OSTC: variants seen among roughly 807,000 people sequenced by gnomAD.
The protein encoded by OSTC is oligosaccharyltransferase complex subunit OSTC.
In OSTC, 16 loss-of-function variants were observed where a neutral mutation model predicts 16.4. That is an observed-to-expected ratio of 0.98 (90% CI 0.66 to 1.49). The LOEUF is 1.49. Among genes scored for constraint, OSTC ranks in the 40% most tolerant of loss-of-function variants. OSTC has a pLI of 0.00. For missense variants in OSTC, 139 were observed against 186.3 expected (o/e 0.75, Z 1.48); for synonymous variants, 67 against 68.5 (o/e 0.98, Z 0.11).
chr4:108,654,073 GA>G (rs1281297507), intron 1 of OSTC, among the ~76,000 whole-genome samples: 2 of 152,200 alleles, frequency 1.3e-5, no homozygotes, highest in African/African-American at 4.8e-5. Flanking sequence ...AAAGCCATAA[GA>G]AGAGGTGTTT....
intron 3 of OSTC, among the ~76,000 whole-genome samples, chr4:108,664,593 T>C (rs1726945519): frequency 6.6e-6 from 1 of 152,060 alleles, no homozygotes; most frequent in South Asian, 2.1e-4. Context: ...TTTTAATTTT[T>C]AATTTTTTTT....
intron 1 of OSTC, among the ~76,000 whole-genome samples, chr4:108,652,955 C>G (rs1726595914): frequency 6.6e-6 from 1 of 152,100 alleles, no homozygotes; most frequent in African/African-American, 2.4e-5. Flanking sequence ...AGGAGAATTG[C>G]TTGTACCCGG....
rs76053329 is a variant in OSTC, at chr4:108,662,894, T to C, written c.432-4353T>C. ...TCATTCTAAAGAAACAAAACATTTGTACAGCTGCTGAGGACAATGTGTAGT... is the reference window on the plus strand; with the variant it reads ...TCATTCTAAAGAAACAAAACATTTGCACAGCTGCTGAGGACAATGTGTAGT... On this transcript the variant is annotated intron_variant, in intron 3 of 3. Transcript: ENST00000361564. Among the ~76,000 whole-genome samples the C allele has an allele frequency of 4.7e-3, 721 of 152,340 alleles. 6 individuals carry two copies. Among genetic ancestry groups the C allele is most frequent in the African/African-American group, 0.017 (701 of 41,582 alleles).
chr4:108,664,835 G>T (rs559031787), intron 3 of OSTC, among the ~76,000 whole-genome samples: 1 of 151,968 alleles, frequency 6.6e-6, no homozygotes, highest in Non-Finnish European at 1.5e-5. Flanking sequence ...CTCGTGATCC[G>T]CCTGCCTCAG....
intron 3 of OSTC, among the ~76,000 whole-genome samples, chr4:108,661,166 C>T (rs1373580874): frequency 1.4e-5 from 2 of 145,696 alleles, no homozygotes; most frequent in South Asian, 2.1e-4. Flanking sequence ...TGCAGTGAGT[C>T]GAAATTGTGC....
intron 3 of OSTC, among the ~76,000 whole-genome samples, chr4:108,659,121 G>GCCTCAGCCTCCCAAGTAGCT (rs367743650): frequency 6.6e-6 from 1 of 151,602 alleles, no homozygotes; most frequent in Non-Finnish European, 1.5e-5. Flanking sequence ...TGGGATTACA[G>GCCTCAGCCTCCCAAGTAGCT]GCGCCCGCCA....
At chr4:108,653,846 T>G (rs1025699451) in intron 1 of OSTC, among the ~76,000 whole-genome samples, 6 of 152,140 alleles carry the variant, frequency 3.9e-5, no homozygotes, top group Non-Finnish European at 7.4e-5. Flanking sequence ...TTGAGGAGCT[T>G]ACATGTAATT....
rs1726518212 is a variant in OSTC, at chr4:108,650,932, T to C, written c.139+138T>C. 7.8e-6 allele frequency: 10 copies of C among 1,284,680 alleles called. No homozygotes were observed. In the South Asian group the frequency reaches 1.4e-4, roughly 18 times the overall value. The allele number at this position is 1,284,680 out of a possible 1,614,324, so 79.6% of individuals were successfully genotyped here. On this transcript the variant is annotated intron_variant, in intron 1 of 3. Transcript: ENST00000361564. ...ATCTTTTCTGAGGGTGGAGGGGAGT[T>C]CTGGGGTCCGAAGTGTTAACGTCCA...
At chr4:108,657,717 C>A in intron 3 of OSTC, 70 bp downstream of exon 3, 1 of 1,323,528 alleles carries the variant, frequency 7.6e-7, no homozygotes. Flanking sequence ...AATGTAAAGT[C>A]ATAGGACATT....
Position 108,667,487 on chromosome 4 carries a change from T to TAGC in OSTC, c.*222_*223insAGC, listed in dbSNP as rs1727039713. ...CAGAATTTTTTTTCCTGCTGGCCTA[T>TAGC]TGCTATACCAATGATGTTGAGTGGC... On this transcript the variant is annotated 3_prime_UTR_variant, in exon 4 of 4. Transcript: ENST00000361564. 2.0e-5 allele frequency: 8 copies of TAGC among 406,360 alleles called. No individual in the cohort carries two copies. The South Asian group carries it at 8.2e-4, about 42-fold the overall frequency. 25.2% of individuals were successfully genotyped at this position (406,360 alleles called of 1,614,324 possible).
At chr4:108,653,183 C>T (rs1193808072) in intron 1 of OSTC, among the ~76,000 whole-genome samples, 1 of 152,138 alleles carries the variant, frequency 6.6e-6, no homozygotes, top group Non-Finnish European at 1.5e-5. Flanking sequence ...TGTGATGGCA[C>T]CACTGCACTC....
In OSTC at chr4:108,650,801, C is replaced by G. The variant is rs771054474; in HGVS notation, c.139+7C>G. ...TACTTCCTCATCACCGGAGGTAACT[C>G]GGGCTGTCGGGCCCGAGAGGCTGAG... On this transcript the variant is annotated splice_region_variant and intron_variant, in intron 1 of 3. Transcript: ENST00000361564. 2 of 1,614,016 alleles carry G rather than the reference C, an allele frequency of 1.2e-6. No homozygotes were observed. The highest frequency in any genetic ancestry group is 1.7e-5 in the Admixed American group (1 of 60,024).
chr4:108,652,232 A>G (rs1371381990), intron 1 of OSTC: 2 of 152,188 alleles, frequency 1.3e-5, no homozygotes, highest in African/African-American at 4.8e-5. Context: ...ATGACTCGCA[A>G]ATTCGTGAAG....
chr4:108,663,495 G>A (rs907329074), intron 3 of OSTC, among the ~76,000 whole-genome samples: 5 of 152,228 alleles, frequency 3.3e-5, no homozygotes, highest in Non-Finnish European at 7.3e-5. Flanking sequence ...GAGCCAAGGT[G>A]CCCAGCCTGA....
intron 1 of OSTC, 76 bp downstream of exon 1, chr4:108,650,870 G>C: frequency 6.3e-7 from 1 of 1,599,054 alleles, no homozygotes; most frequent in Non-Finnish European, 8.5e-7. Flanking sequence ...CTGTTCCGCT[G>C]ACTCTCAGCC....
chr4:108,653,198 C>T (rs1726601823), intron 1 of OSTC, among the ~76,000 whole-genome samples: 1 of 152,048 alleles, frequency 6.6e-6, no homozygotes, highest in African/African-American at 2.4e-5. Context: ...GCACTCCAGC[C>T]AGGGTGACAG....
intron 2 of OSTC, among the ~76,000 whole-genome samples, 168 bp downstream of exon 2, chr4:108,655,825 A>C (rs547337412): frequency 6.6e-5 from 10 of 152,348 alleles, no homozygotes; most frequent in South Asian, 2.1e-4. Flanking sequence ...AAACAAGAGT[A>C]TATTATTTAT....
At position 108,654,651 on chromosome 4, in the gene OSTC, A is replaced by G. The variant is rs369366455; in HGVS notation, c.140-913A>G. ...GGGAGATAGGCTTGTTATGCTTAAG[A>G]AAAGCTGGAGATGAAGATGTTTGAG... is the stretch of plus-strand genomic sequence containing the variant. On this transcript the variant is annotated intron_variant, in intron 1 of 3. Coordinates refer to ENST00000361564, the MANE Select transcript of OSTC (RefSeq NM_021227.4). Among the ~76,000 whole-genome samples, 82 of 152,324 alleles carry G rather than the reference A, an allele frequency of 5.4e-4. 2 individuals are homozygous for G. In the South Asian group the frequency reaches 0.014, roughly 26 times the overall value.
chr4:108,651,832 C>A (rs564984349), intron 1 of OSTC, among the ~76,000 whole-genome samples: 3 of 152,232 alleles, frequency 2.0e-5, no homozygotes, highest in African/African-American at 7.2e-5. Context: ...GAATAGTTGG[C>A]ACTGAAGGGG....
Sources: gnomAD v4.1 joint callset for allele counts (sites outside exome capture counted in the v4.1 genomes callset) on GRCh38, gnomAD v4.1.1 for gene constraint, MANE v1.5 for transcripts, NCBI Gene and HGNC (gene_info 2026-07-23, HGNC 2026-07-21) for gene names.